Variants in OXR1 observed in about 807,000 individuals in gnomAD.
The protein encoded by OXR1 is oxidation resistance protein 1.
In OXR1, 41 loss-of-function variants were observed where a neutral mutation model predicts 104.6. That is an observed-to-expected ratio of 0.39 (90% confidence interval 0.31 to 0.51). The LOEUF (loss-of-function observed/expected upper bound fraction) is 0.51, where lower values mean the gene tolerates loss of function less well. OXR1 is among the 20% of genes least tolerant of loss of function. The probability of loss-of-function intolerance (pLI) is 0.77; values close to 1 mark genes in which losing one functional copy is unlikely to be tolerated. For missense variants in OXR1, 955 were observed against 1,031.9 expected (o/e 0.93, Z 1.02); for synonymous variants, 348 against 348.4 (o/e 1.00, Z 0.01).
intron 3 of OXR1, among the ~76,000 whole-genome samples, chr8:106,644,802 A>G (rs1265376734): frequency 6.6e-6 from 1 of 152,244 alleles, no homozygotes; most frequent in Non-Finnish European, 1.5e-5. Flanking sequence ...ACCATTTGGA[A>G]GAACTAAAGT....
chr8:106,454,929 A>G (rs575313195), intron 2 of OXR1, among the ~76,000 whole-genome samples: 4 of 152,310 alleles, frequency 2.6e-5, no homozygotes, highest in Non-Finnish European at 4.4e-5. Flanking sequence ...CATTTTGTGT[A>G]TACTTATTTG....
chr8:106,302,608 G>A lies in OXR1; in HGVS notation c.-139+32241G>A, dbSNP rs570036344. On this transcript the variant is annotated intron_variant, in intron 1 of 16. Transcript: ENST00000517566. The stretch of plus-strand genomic sequence containing the variant: ...CTCAAAAAAAAAAAAAACAAGAATC[G>A]TTTAGACATTATGACCTAGGTATAA... 1.5e-4 allele frequency among the ~76,000 whole-genome samples: 22 copies of A among 150,640 alleles called. 1 individual carries two copies. In the South Asian group the frequency reaches 4.2e-3, roughly 29 times the overall value.
chr8:106,732,023 A>G (rs1478671620), intron 11 of OXR1, among the ~76,000 whole-genome samples: 4 of 152,156 alleles, frequency 2.6e-5, no homozygotes, highest in African/African-American at 9.6e-5. Context: ...GAGTCTTCCT[A>G]TCTATGAATG....
intron 1 of OXR1, among the ~76,000 whole-genome samples, chr8:106,339,560 C>T (rs1177775602): frequency 1.4e-4 from 8 of 55,986 alleles, no homozygotes; most frequent in African/African-American, 4.0e-4. Context: ...ATATATAAAA[C>T]GAAATCACAG....
At chr8:106,706,229 G>GA (rs1405625573) in intron 8 of OXR1, among the ~76,000 whole-genome samples, 153 bp from the exon 9 acceptor site, 16 of 152,102 alleles carry the variant, frequency 1.1e-4, no homozygotes, top group African/African-American at 3.4e-4. Context: ...TGGTCATATT[G>GA]AATAAATCAG....
intron 1 of OXR1, among the ~76,000 whole-genome samples, chr8:106,340,469 T>C (rs926303153): frequency 1.3e-5 from 2 of 152,180 alleles, no homozygotes; most frequent in Non-Finnish European, 2.9e-5. Context: ...TGCCTAAGTA[T>C]AATTTTCCTA....
At chr8:106,617,758 G>T (rs1020253833) in intron 3 of OXR1, among the ~76,000 whole-genome samples, 1 of 152,198 alleles carries the variant, frequency 6.6e-6, no homozygotes, top group African/African-American at 2.4e-5. Flanking sequence ...CTATAAAATA[G>T]AGATTTGTTA....
intron 2 of OXR1, among the ~76,000 whole-genome samples, chr8:106,459,455 C>T (rs1484536696): frequency 6.6e-6 from 1 of 152,006 alleles, no homozygotes; most frequent in Non-Finnish European, 1.5e-5. Context: ...ATTAAATATC[C>T]AGTCTGTATT....
chr8:106,315,238 G>A (rs969018239), intron 1 of OXR1, among the ~76,000 whole-genome samples: 1 of 151,838 alleles, frequency 6.6e-6, no homozygotes, highest in African/African-American at 2.4e-5. Context: ...AAAATGGTAA[G>A]GTAGTATGTA....
At chr8:106,282,680 C>A (rs1812338305) in intron 1 of OXR1, among the ~76,000 whole-genome samples, 1 of 152,022 alleles carries the variant, frequency 6.6e-6, no homozygotes, top group Non-Finnish European at 1.5e-5. Context: ...AGTGAATAAT[C>A]ATAAAGGTCT....
intron 2 of OXR1, among the ~76,000 whole-genome samples, chr8:106,517,910 G>A (rs73699541): frequency 0.021 from 3,197 of 152,154 alleles, 121 homozygotes; most frequent in African/African-American, 0.072. Context: ...TTTTGCTGTG[G>A]AAAATTCAGT....
At chr8:106,632,047 G>A (rs1249346054) in intron 3 of OXR1, among the ~76,000 whole-genome samples, 1 of 152,136 alleles carries the variant, frequency 6.6e-6, no homozygotes, top group African/African-American at 2.4e-5. Flanking sequence ...TATACTCATT[G>A]AGAAAATGTC....
intron 1 of OXR1, among the ~76,000 whole-genome samples, chr8:106,344,638 A>G (rs1279441972): frequency 6.6e-6 from 1 of 152,050 alleles, no homozygotes; most frequent in Non-Finnish European, 1.5e-5. Context: ...CGCCCGGCCA[A>G]TTTTTTTAAA....
chr8:106,466,348 C>CT (rs1407806228), intron 2 of OXR1, among the ~76,000 whole-genome samples: 3 of 151,756 alleles, frequency 2.0e-5, no homozygotes, highest in Non-Finnish European at 4.4e-5. Context: ...CCCAGAGTCA[C>CT]TTTTTTTGTG....
chr8:106,439,189 G>GA (rs1433034198), intron 2 of OXR1, among the ~76,000 whole-genome samples: 1 of 152,018 alleles, frequency 6.6e-6, no homozygotes, highest in African/African-American at 2.4e-5. Context: ...GGGGGCCTTT[G>GA]AGAGGCAATA....
chr8:106,749,318 G>A (rs573316664), intron 16 of OXR1, among the ~76,000 whole-genome samples: 1 of 151,282 alleles, frequency 6.6e-6, no homozygotes, highest in South Asian at 2.1e-4. Context: ...ACTCCAGCTA[G>A]GGTGACAGAG....
intron 3 of OXR1, among the ~76,000 whole-genome samples, chr8:106,587,812 A>G (rs994969727): frequency 2.6e-5 from 4 of 152,294 alleles, no homozygotes; most frequent in Admixed American, 6.5e-5. Flanking sequence ...TATAATCATT[A>G]TTTGAGCTGT....
chr8:106,474,087 C>T (rs1391584086), intron 2 of OXR1, among the ~76,000 whole-genome samples: 1 of 148,056 alleles, frequency 6.8e-6, no homozygotes, highest in African/African-American at 2.5e-5. Context: ...CTAATGTTCC[C>T]TTAGGACTGA....
At chr8:106,438,990 T>C (rs1288992571) in intron 2 of OXR1, among the ~76,000 whole-genome samples, 1 of 152,098 alleles carries the variant, frequency 6.6e-6, no homozygotes, top group Non-Finnish European at 1.5e-5. Flanking sequence ...CTTAGAACCT[T>C]CCTGGAGCAA....
Sources: gnomAD v4.1 joint callset for allele counts (sites outside exome capture counted in the v4.1 genomes callset) on GRCh38, gnomAD v4.1.1 for gene constraint, MANE v1.5 for transcripts, NCBI Gene and HGNC (gene_info 2026-07-23, HGNC 2026-07-21) for gene names.